The following SLC2A9 variants were observed in gnomAD, a reference collection of about 807,000 sequenced individuals.
SLC2A9 encodes the protein solute carrier family 2, facilitated glucose transporter member 9.
SLC2A9 carries 39 observed loss-of-function variants against 50.6 expected under a neutral mutation model. That is an observed-to-expected ratio of 0.77 (90% confidence interval 0.60 to 1.01). The LOEUF (loss-of-function observed/expected upper bound fraction) is 1.01, where lower values mean the gene tolerates loss of function less well. Among genes scored for constraint, SLC2A9 ranks in the 50% least tolerant of loss-of-function variants. SLC2A9 has a pLI of 0.00. For missense variants in SLC2A9, 686 were observed against 677.6 expected, an observed-to-expected ratio of 1.01 and a Z score of -0.14; for synonymous variants, 324 against 276.9, an observed-to-expected ratio of 1.17 and a Z score of -1.69.
At chr4:9,938,429 G>A (rs144175507) in intron 6 of SLC2A9, among the ~76,000 whole-genome samples, 9 of 151,932 alleles carry the variant, frequency 5.9e-5, no homozygotes, top group Admixed American at 5.9e-4. Flanking sequence ...CTGCCAACAC[G>A]CCCGGCTAAT....
intron 4 of SLC2A9, among the ~76,000 whole-genome samples, chr4:9,984,448 CAG>C (rs552062505): frequency 1.7e-3 from 259 of 152,110 alleles, no homozygotes; most frequent in Non-Finnish European, 2.7e-3. Flanking sequence ...GAGAGAGAGA[CAG>C]AGTGTGTGTT....
At chr4:9,898,348 A>T (rs934508991) in intron 8 of SLC2A9, among the ~76,000 whole-genome samples, 2 of 152,272 alleles carry the variant, frequency 1.3e-5, no homozygotes, top group African/African-American at 4.8e-5. Flanking sequence ...GCAAGAAAAT[A>T]TCGCCTAAAA....
At chr4:9,815,080 A>C (rs1017785223) in intron 3 of SLC2A9, among the ~76,000 whole-genome samples, 1 of 152,206 alleles carries the variant, frequency 6.6e-6, no homozygotes, top group African/African-American at 2.4e-5. Context: ...AAATAACCCA[A>C]TGATATTTAC....
At chr4:9,782,133 C>A (rs1194993433) in intron 3 of SLC2A9, 3 of 1,560,606 alleles carry the variant, frequency 1.9e-6, no homozygotes, top group East Asian at 2.3e-5. Flanking sequence ...GGGGCACCGC[C>A]ACTGGGGCCC....
intron 3 of SLC2A9, among the ~76,000 whole-genome samples, chr4:9,815,611 G>C (rs1266995989): frequency 6.6e-6 from 1 of 152,216 alleles, no homozygotes; most frequent in African/African-American, 2.4e-5. Context: ...CACTACATTT[G>C]CATGCTTCAT....
At chr4:10,022,229 C>T (rs114079899), upstream of SLC2A9, among the ~76,000 whole-genome samples, 28 of 152,312 alleles carry the variant, frequency 1.8e-4, no homozygotes, top group African/African-American at 5.8e-4. Context: ...AATATTGACC[C>T]CACTCTGACT....
chr4:9,893,739 C>T (rs907363086), intron 8 of SLC2A9, among the ~76,000 whole-genome samples: 1 of 152,034 alleles, frequency 6.6e-6, no homozygotes, highest in Non-Finnish European at 1.5e-5. Context: ...GGTCCTAGTG[C>T]CAGGAGGGAC....
At chr4:9,975,723 T>C (rs1754684154) in intron 5 of SLC2A9, among the ~76,000 whole-genome samples, 2 of 152,204 alleles carry the variant, frequency 1.3e-5, no homozygotes, top group Admixed American at 1.3e-4. Context: ...GAACTACCAT[T>C]TGACCCAGCA....
intron 10 of SLC2A9, among the ~76,000 whole-genome samples, chr4:9,860,724 T>C (rs1191889645): frequency 6.6e-6 from 1 of 152,228 alleles, no homozygotes; most frequent in East Asian, 1.9e-4. Context: ...AGAGTCCAGT[T>C]TTCTGATGGA....
At chr4:9,789,596 G>A (rs551648253) in intron 3 of SLC2A9, among the ~76,000 whole-genome samples, 5 of 152,360 alleles carry the variant, frequency 3.3e-5, no homozygotes, top group Non-Finnish European at 7.3e-5. Context: ...TTGATATGAG[G>A]GGAGAGTTAA....
intron 2 of SLC2A9, chr4:10,009,490 C>G (rs1329619305): frequency 6.6e-6 from 1 of 152,146 alleles, no homozygotes; most frequent in African/African-American, 2.4e-5. Flanking sequence ...AAGGAGCAGA[C>G]AGGAGAAAAT....
At chr4:9,879,997 G>A in intron 10 of SLC2A9, 1 of 985,396 alleles carries the variant, frequency 1.0e-6, no homozygotes, top group Non-Finnish European at 1.2e-6. Context: ...GCCTCAGGCG[G>A]CCTCCTGGCC....
chr4:10,026,006 T>C, upstream of SLC2A9: 2 of 1,605,536 alleles, frequency 1.2e-6, no homozygotes, highest in Non-Finnish European at 1.7e-6. Flanking sequence ...TGTTATTGTT[T>C]CTGAGAAAGA....
At chr4:10,024,810 G>T (rs1449935324), upstream of SLC2A9, among the ~76,000 whole-genome samples, 1 of 152,240 alleles carries the variant, frequency 6.6e-6, no homozygotes, top group Non-Finnish European at 1.5e-5. Context: ...TTCTAGCAGG[G>T]AAGAGTTGGA....
intron 8 of SLC2A9, among the ~76,000 whole-genome samples, chr4:9,896,564 C>A (rs987822825): frequency 4.0e-5 from 6 of 151,820 alleles, no homozygotes; most frequent in Admixed American, 6.6e-5. Flanking sequence ...TTTTTATCTC[C>A]TTAACAATAC....
At chr4:9,887,515 G>A in intron 10 of SLC2A9, 52 bp downstream of exon 10, 1 of 1,513,998 alleles carries the variant, frequency 6.6e-7, no homozygotes, top group Non-Finnish European at 8.9e-7. Flanking sequence ...CCCCCAGCTT[G>A]GTGATGCCAT....
chr4:9,773,305 T>C lies in SLC2A9; in HGVS notation n.182-1936A>G, dbSNP rs191394302. On this transcript the variant is annotated intron_variant and non_coding_transcript_variant, in intron 1 of 1. Transcript: ENST00000508585. ...CCTGCCCTGTGCCAAGCTGAGCACA[T>C]TGGCAGGGCTGGTGGCTGGGAGCTC... Among the ~76,000 whole-genome samples the C allele has an allele frequency of 3.5e-3, 534 of 152,164 alleles. 4 individuals carry two copies. Among genetic ancestry groups the C allele is most frequent in the African/African-American group, 0.012 (478 of 41,548 alleles).
rs187025467 is a variant in SLC2A9, at chr4:10,004,108, T to C, written c.250-7167A>G. Among the ~76,000 whole-genome samples the C allele has an allele frequency of 3.6e-3, 554 of 152,322 alleles. 6 individuals are homozygous for C. Among genetic ancestry groups the C allele is most frequent in the African/African-American group, 0.012 (499 of 41,578 alleles). Reference sequence around the variant, plus strand: ...AGTGTAGAAAATATAAAGATGATGATATCAATACCTCTGTTTTAGGGGAGA... The same window carrying C: ...AGTGTAGAAAATATAAAGATGATGACATCAATACCTCTGTTTTAGGGGAGA... On this transcript the variant is annotated intron_variant, in intron 2 of 11. Coordinates refer to ENST00000264784, the MANE Select transcript of SLC2A9 (RefSeq NM_020041.3).
chr4:9,942,628 C>T (rs1055713713), intron 5 of SLC2A9, among the ~76,000 whole-genome samples: 1 of 152,210 alleles, frequency 6.6e-6, no homozygotes, highest in Non-Finnish European at 1.5e-5. Context: ...ACTTTCCAGC[C>T]AGCTATGAAA....
Sources: allele counts gnomAD v4.1 joint callset (sites outside exome capture counted in the v4.1 genomes callset), GRCh38; gene constraint gnomAD v4.1.1; transcripts MANE v1.5; gene names NCBI Gene and HGNC (gene_info 2026-07-23, HGNC 2026-07-21).